AGBL1: variants seen among roughly 807,000 people sequenced by gnomAD.
AGBL1 encodes cytosolic carboxypeptidase 4.
AGBL1 carries 130 observed loss-of-function variants against 118.9 expected under a neutral mutation model. That is an observed-to-expected ratio of 1.09 (90% CI 0.95 to 1.26). The LOEUF (loss-of-function observed/expected upper bound fraction) is 1.26, where lower values mean the gene tolerates loss of function less well. Ranked by LOEUF, AGBL1 falls within the 50% of genes most tolerant of loss-of-function variation. The probability of loss-of-function intolerance (pLI) is 0.00; values close to 1 mark genes in which losing one functional copy is unlikely to be tolerated. For missense variants in AGBL1, 1,584 were observed against 1,298.1 expected, an observed-to-expected ratio of 1.22 and a Z score of -3.38; for synonymous variants, 555 against 478.9, an observed-to-expected ratio of 1.16 and a Z score of -2.08.
intron 5 of AGBL1, among the ~76,000 whole-genome samples, chr15:86,174,302 TG>T (rs1482153356): frequency 1.3e-5 from 2 of 152,196 alleles, no homozygotes; most frequent in Non-Finnish European, 2.9e-5. Context: ...TTTTGTATCC[TG>T]AGACTTTACT....
At chr15:86,362,250 A>G (rs1039156984) in intron 17 of AGBL1, among the ~76,000 whole-genome samples, 4 of 152,160 alleles carry the variant, frequency 2.6e-5, no homozygotes, top group Admixed American at 1.3e-4. Context: ...TAATATTTTT[A>G]TCCGTTAACA....
At chr15:86,586,506 C>T (rs981857425) in intron 21 of AGBL1, among the ~76,000 whole-genome samples, 5 of 151,990 alleles carry the variant, frequency 3.3e-5, no homozygotes, top group South Asian at 2.1e-4. Flanking sequence ...TCACACAGAG[C>T]GTAATGATGG....
intron 21 of AGBL1, among the ~76,000 whole-genome samples, chr15:86,558,831 G>T (rs879940866): frequency 3.3e-5 from 5 of 152,158 alleles, no homozygotes; most frequent in Admixed American, 3.3e-4. Context: ...AGGGTTTCTT[G>T]CAGTAGCCCA....
intron 22 of AGBL1, among the ~76,000 whole-genome samples, chr15:86,829,220 T>G (rs564353586): frequency 2.4e-4 from 37 of 152,232 alleles, no homozygotes; most frequent in Admixed American, 2.3e-3. Flanking sequence ...ATTTGCACTT[T>G]CTACCACTAG....
intron 22 of AGBL1, among the ~76,000 whole-genome samples, chr15:86,717,684 T>C (rs1370144494): frequency 7.2e-6 from 1 of 138,914 alleles, no homozygotes; most frequent in African/African-American, 2.5e-5. Flanking sequence ...CTGATTAATC[T>C]GGACTTCAGG....
chr15:86,484,530 G>A (rs2082690495), intron 18 of AGBL1, among the ~76,000 whole-genome samples: 1 of 152,088 alleles, frequency 6.6e-6, no homozygotes, highest in Non-Finnish European at 1.5e-5. Context: ...AGACCCTCTT[G>A]AGCCCAAAGG....
chr15:86,216,921 C>G (rs550685566), intron 5 of AGBL1, among the ~76,000 whole-genome samples: 1 of 152,174 alleles, frequency 6.6e-6, no homozygotes. Flanking sequence ...GCTATTGTCA[C>G]CTTACAGTGT....
chr15:86,517,585 G>C (rs1214212990), intron 18 of AGBL1, among the ~76,000 whole-genome samples: 8 of 152,196 alleles, frequency 5.3e-5, no homozygotes, highest in Non-Finnish European at 1.2e-4. Flanking sequence ...GGGTGATCAT[G>C]CCTCTGGTAA....
chr15:86,316,137 T>C (rs1457914032), intron 17 of AGBL1, among the ~76,000 whole-genome samples: 1 of 152,222 alleles, frequency 6.6e-6, no homozygotes, highest in Non-Finnish European at 1.5e-5. Flanking sequence ...CTACTAAAGA[T>C]AGACCCATGA....
intron 22 of AGBL1, among the ~76,000 whole-genome samples, chr15:86,772,079 G>A (rs904867468): frequency 1.3e-5 from 2 of 152,014 alleles, no homozygotes; most frequent in African/African-American, 4.8e-5. Context: ...TAAGACATGA[G>A]GCCGGGAGGT....
intron 18 of AGBL1, among the ~76,000 whole-genome samples, chr15:86,428,874 A>T (rs1430077935): frequency 6.6e-6 from 1 of 152,190 alleles, no homozygotes; most frequent in Non-Finnish European, 1.5e-5. Context: ...GTTCTCATCT[A>T]TTACAGAAGG....
chr15:86,449,606 G>C (rs535818783), intron 18 of AGBL1, among the ~76,000 whole-genome samples: 29 of 152,344 alleles, frequency 1.9e-4, no homozygotes, highest in Admixed American at 1.6e-3. Flanking sequence ...CTCATGGCAA[G>C]GATTAAGTAA....
At chr15:86,731,913 T>C (rs1354822062) in intron 22 of AGBL1, among the ~76,000 whole-genome samples, 1 of 152,228 alleles carries the variant, frequency 6.6e-6, no homozygotes, top group Non-Finnish European at 1.5e-5. Flanking sequence ...AACTCAGTTC[T>C]TTAAGGACCA....
intron 22 of AGBL1, among the ~76,000 whole-genome samples, chr15:86,817,461 G>GAGACAC (rs769225366): frequency 6.5e-5 from 4 of 61,390 alleles, no homozygotes; most frequent in Admixed American, 1.8e-4. Context: ...GTCTCTGAGA[G>GAGACAC]ATACACACAC....
chr15:86,540,506 A>G (rs2083479855), intron 19 of AGBL1, among the ~76,000 whole-genome samples: 1 of 152,072 alleles, frequency 6.6e-6, no homozygotes, highest in African/African-American at 2.4e-5. Flanking sequence ...GAGCCACGAG[A>G]ATTGCTTGAA....
chr15:86,919,783 C>T (rs900201389), downstream of AGBL1, among the ~76,000 whole-genome samples: 7 of 152,152 alleles, frequency 4.6e-5, no homozygotes, highest in South Asian at 2.1e-4. Context: ...TGTTGTAATA[C>T]CTTGTGCCAG....
chr15:86,625,376 T>TTTTTC (rs2084869815), intron 21 of AGBL1, among the ~76,000 whole-genome samples: 1 of 51,790 alleles, frequency 1.9e-5, no homozygotes, highest in Non-Finnish European at 3.3e-5. Context: ...TTTTTTTTTT[T>TTTTTC]TTGTTTTTGT....
At chr15:86,464,442 G>T (rs914177190) in intron 18 of AGBL1, among the ~76,000 whole-genome samples, 1 of 152,132 alleles carries the variant, frequency 6.6e-6, no homozygotes, top group African/African-American at 2.4e-5. Context: ...TCTTTCTCTT[G>T]CCTGATTGCA....
chr15:86,321,214 C>T lies in AGBL1; in HGVS notation c.2374+25806C>T, dbSNP rs1567197751. 3.9e-5 allele frequency among the ~76,000 whole-genome samples: 6 copies of T among 152,018 alleles called. No individual in the cohort carries two copies. In the South Asian group the frequency reaches 1.0e-3, roughly 26 times the overall value. On this transcript the variant is annotated intron_variant, in intron 17 of 22. Coordinates refer to ENST00000614907, the MANE Select transcript of AGBL1 (RefSeq NM_001386094.1). Reference sequence around the variant, plus strand: ...TTCCTTGTATGTTTGGGAGAATTTGCCTCTATAGTTCTGGTGCTTTCTTGT... The same window carrying T: ...TTCCTTGTATGTTTGGGAGAATTTGTCTCTATAGTTCTGGTGCTTTCTTGT...
Sources: gnomAD v4.1 joint callset for allele counts (sites outside exome capture counted in the v4.1 genomes callset) on GRCh38, gnomAD v4.1.1 for gene constraint, MANE v1.5 for transcripts, NCBI Gene and HGNC (gene_info 2026-07-23, HGNC 2026-07-21) for gene names.